The following HSD17B12 variants were observed in gnomAD, a reference collection of about 807,000 sequenced individuals.
The protein encoded by HSD17B12 is hydroxysteroid 17-beta dehydrogenase 12.
In HSD17B12, 32 loss-of-function variants were observed where a neutral mutation model predicts 39.3. The observed-to-expected ratio is 0.81, with a 90% CI of 0.61 to 1.09. The LOEUF (loss-of-function observed/expected upper bound fraction) is 1.09. Among genes scored for constraint, HSD17B12 ranks in the 50% least tolerant of loss-of-function variants. The probability of loss-of-function intolerance (pLI) is 0.00; values close to 1 mark genes in which losing one functional copy is unlikely to be tolerated. For missense variants in HSD17B12, 342 were observed against 382.9 expected (o/e 0.89, Z 0.89); for synonymous variants, 150 against 146.7 (o/e 1.02, Z -0.16).
chr11:43,577,504 C>T, the HSD17B12 span, among the ~76,000 whole-genome samples: 2 of 152,122 alleles, frequency 1.3e-5, no homozygotes, highest in African/African-American at 2.4e-5. Flanking sequence ...CCCAGGATCC[C>T]GCACCTTCCC....
the HSD17B12 span, among the ~76,000 whole-genome samples, chr11:43,650,123 GGTTT>G: frequency 6.6e-6 from 1 of 152,168 alleles, no homozygotes; most frequent in African/African-American, 2.4e-5. Context: ...GGTTGTGGGT[GGTTT>G]GTTTTGCCAT....
intron 8 of HSD17B12, among the ~76,000 whole-genome samples, chr11:43,839,595 A>T (rs1371945113): frequency 6.6e-6 from 1 of 152,174 alleles, no homozygotes; most frequent in Non-Finnish European, 1.5e-5. Flanking sequence ...TCTTTTTAGC[A>T]ACAACAAAAT....
chr11:43,645,403 G>A, the HSD17B12 span: 1 of 152,176 alleles, frequency 6.6e-6, no homozygotes. Context: ...CCCACAAGTA[G>A]AACTGGTATC....
At chr11:43,658,597 G>C in the HSD17B12 span, among the ~76,000 whole-genome samples, 60 of 152,290 alleles carry the variant, frequency 3.9e-4, no homozygotes, top group Non-Finnish European at 4.7e-4. Context: ...CTGTTTGTTA[G>C]TTTTCCTTCT....
chr11:43,626,763 A>G, the HSD17B12 span, among the ~76,000 whole-genome samples: 303 of 152,112 alleles, frequency 2.0e-3, 1 homozygote, highest in Non-Finnish European at 2.0e-3. Context: ...GTTCATAATC[A>G]TATCTTACTA....
the HSD17B12 span, among the ~76,000 whole-genome samples, chr11:43,666,361 C>T: frequency 1.3e-3 from 200 of 152,236 alleles, 2 homozygotes; most frequent in Non-Finnish European, 2.1e-4. Flanking sequence ...CACACCACCC[C>T]GCCCAGGTAA....
At chr11:43,608,104 C>T in the HSD17B12 span, among the ~76,000 whole-genome samples, 1 of 152,252 alleles carries the variant, frequency 6.6e-6, no homozygotes, top group Admixed American at 6.5e-5. Context: ...TGCGGTGGCT[C>T]ACGTCTGCAA....
the HSD17B12 span, among the ~76,000 whole-genome samples, chr11:43,602,407 G>T: frequency 6.6e-6 from 1 of 152,136 alleles, no homozygotes; most frequent in Non-Finnish European, 1.5e-5. Flanking sequence ...TACCAATAAT[G>T]TATGCACACA....
intron 4 of HSD17B12, among the ~76,000 whole-genome samples, chr11:43,800,735 T>C (rs1055958539): frequency 6.6e-6 from 1 of 152,186 alleles, no homozygotes; most frequent in Non-Finnish European, 1.5e-5. Flanking sequence ...AACCATTGTT[T>C]TGATAGCCTA....
intron 1 of HSD17B12, among the ~76,000 whole-genome samples, chr11:43,684,177 T>C (rs1370071980): frequency 6.6e-6 from 1 of 152,252 alleles, no homozygotes; most frequent in African/African-American, 2.4e-5. Flanking sequence ...TCCCCTGTGT[T>C]CCCTATACCC....
intron 4 of HSD17B12, among the ~76,000 whole-genome samples, chr11:43,803,546 A>G (rs533061694): frequency 4.1e-4 from 62 of 152,328 alleles, no homozygotes; most frequent in African/African-American, 1.5e-3. Flanking sequence ...GGTACACCCC[A>G]TTTGTTTGAA....
chr11:43,688,609 A>G (rs1322447680), intron 1 of HSD17B12, among the ~76,000 whole-genome samples: 1 of 152,222 alleles, frequency 6.6e-6, no homozygotes, highest in African/African-American at 2.4e-5. Flanking sequence ...TAGTGAAGTT[A>G]TTTCCATTTA....
the HSD17B12 span, among the ~76,000 whole-genome samples, chr11:43,600,329 T>C: frequency 2.0e-5 from 3 of 151,418 alleles, no homozygotes; most frequent in African/African-American, 7.3e-5. Flanking sequence ...TTTTTTTTTT[T>C]CCTGAAACAG....
At chr11:43,774,662 A>G (rs1035261128) in intron 3 of HSD17B12, among the ~76,000 whole-genome samples, 2 of 152,208 alleles carry the variant, frequency 1.3e-5, no homozygotes, top group Non-Finnish European at 2.9e-5. Context: ...GAAGAGGTTT[A>G]TAGAAATCAA....
intron 1 of HSD17B12, among the ~76,000 whole-genome samples, chr11:43,693,490 T>A (rs905954221): frequency 2.6e-5 from 4 of 152,176 alleles, no homozygotes; most frequent in Non-Finnish European, 5.9e-5. Context: ...CCTACATAGA[T>A]GTTAAGACCA....
At chr11:43,718,147 G>A (rs1950142186) in intron 1 of HSD17B12, among the ~76,000 whole-genome samples, 1 of 152,168 alleles carries the variant, frequency 6.6e-6, no homozygotes, top group Admixed American at 6.5e-5. Flanking sequence ...CACAGGACCA[G>A]CTCAGATTTA....
intron 7 of HSD17B12, among the ~76,000 whole-genome samples, chr11:43,835,740 C>T (rs867168429): frequency 1.7e-4 from 26 of 151,942 alleles, no homozygotes; most frequent in African/African-American, 2.7e-4. Flanking sequence ...TATGAAGTAC[C>T]CTCAAACTCT....
At chr11:43,768,543 G>T (rs750441463) in intron 3 of HSD17B12, among the ~76,000 whole-genome samples, 1 of 151,962 alleles carries the variant, frequency 6.6e-6, no homozygotes, top group African/African-American at 2.4e-5. Flanking sequence ...GTTATATAGC[G>T]CTTAAAGATG....
the HSD17B12 span, among the ~76,000 whole-genome samples, chr11:43,585,872 T>C: frequency 1.8e-4 from 28 of 152,314 alleles, no homozygotes; most frequent in African/African-American, 6.5e-4. Flanking sequence ...TTTTCTTGCC[T>C]GAAAGGTAAT....
Sources: allele counts gnomAD v4.1 joint callset (sites outside exome capture counted in the v4.1 genomes callset), GRCh38; gene constraint gnomAD v4.1.1; transcripts MANE v1.5; gene names NCBI Gene and HGNC (gene_info 2026-07-23, HGNC 2026-07-21).